DOK5: variants seen among roughly 807,000 people sequenced by gnomAD.
DOK5 encodes the protein downstream of tyrosine kinase 5.
DOK5 carries 27 observed loss-of-function variants against 43.3 expected under a neutral mutation model. That is an observed-to-expected ratio of 0.62 (90% confidence interval 0.46 to 0.86). The LOEUF (loss-of-function observed/expected upper bound fraction) is 0.86, where lower values mean the gene tolerates loss of function less well. DOK5 is among the 40% of genes least tolerant of loss of function. The pLI is 0.00. For synonymous variants in DOK5, 146 were observed against 140.1 expected, an observed-to-expected ratio of 1.04 and a Z score of -0.30; for missense variants, 373 against 392.9, an observed-to-expected ratio of 0.95 and a Z score of 0.43.
chr20:54,556,496 A>G (rs886282225), intron 2 of DOK5, among the ~76,000 whole-genome samples: 17 of 152,178 alleles, frequency 1.1e-4, no homozygotes, highest in African/African-American at 3.9e-4. Context: ...ACTCTAAACT[A>G]TTTGTATCCA....
chr20:54,606,338 G>A (rs1479679392), intron 5 of DOK5, among the ~76,000 whole-genome samples: 1 of 152,058 alleles, frequency 6.6e-6, no homozygotes, highest in African/African-American at 2.4e-5. Flanking sequence ...GAGTGTTTGG[G>A]CCACTTGGGG....
chr20:54,526,542 C>T (rs1983581987), intron 1 of DOK5, among the ~76,000 whole-genome samples: 2 of 152,170 alleles, frequency 1.3e-5, no homozygotes, highest in South Asian at 4.1e-4. Flanking sequence ...TTGCTGCAGA[C>T]TCTTGGTTTG....
At chr20:54,534,814 A>G (rs1983896902) in intron 1 of DOK5, among the ~76,000 whole-genome samples, 1 of 142,926 alleles carries the variant, frequency 7.0e-6, no homozygotes, top group Non-Finnish European at 1.5e-5. Context: ...TGATTTTGAA[A>G]GCATGTTTCT....
rs141218592 is a variant in DOK5, at chr20:54,510,648, C to G, written c.66+34636C>G. Among the ~76,000 whole-genome samples, 10 of 152,270 alleles carry G rather than the reference C, an allele frequency of 6.6e-5. 1 individual carries two copies. The East Asian group carries it at 1.9e-3, about 29-fold the overall frequency. ...AGTTTTGGAAAGAACAACTCTCCTT[C>G]CCGCTCTACTGGAATGCAGTTGGCC... On this transcript the variant is annotated intron_variant, in intron 1 of 7. Transcript: ENST00000262593.
At chr20:54,624,542 C>T (rs966889765) in intron 6 of DOK5, among the ~76,000 whole-genome samples, 1 of 152,112 alleles carries the variant, frequency 6.6e-6, no homozygotes, top group Admixed American at 6.5e-5. Flanking sequence ...AGCCAAAATA[C>T]CAAGTCCAGT....
intron 1 of DOK5, among the ~76,000 whole-genome samples, chr20:54,517,456 T>C (rs1311084365): frequency 6.6e-6 from 1 of 152,214 alleles, no homozygotes; most frequent in African/African-American, 2.4e-5. Context: ...GTTTCATATG[T>C]TTTAGTTTAA....
rs369209022 is a variant in DOK5 at position 54,650,496 on chromosome 20, T to C, written c.*17T>C. The C allele has an allele frequency of 1.5e-5, 24 of 1,612,910 alleles. No individual in the cohort carries two copies. In the African/African-American group the frequency reaches 2.5e-4, roughly 17 times the overall value. On this transcript the variant is annotated 3_prime_UTR_variant, in exon 8 of 8. Transcript: ENST00000262593. ...GAGCACTGACAGTAACTGCCAAGAA[T>C]TGTTAACACACTTGTGATGTGTCAG...
chr20:54,493,379 A>T (rs563164909), intron 1 of DOK5, among the ~76,000 whole-genome samples: 1 of 151,966 alleles, frequency 6.6e-6, no homozygotes, highest in African/African-American at 2.4e-5. Context: ...CACCATCCTT[A>T]TATGTGCTCT....
At chr20:54,575,062 CT>C (rs2146752172) in intron 2 of DOK5, among the ~76,000 whole-genome samples, 1 of 152,290 alleles carries the variant, frequency 6.6e-6, no homozygotes, top group East Asian at 1.9e-4. Context: ...TCTCATCAAA[CT>C]TTTAAATGTA....
chr20:54,643,354 G>A, intron 6 of DOK5, 104 bp from the exon 7 acceptor site: 2 of 1,468,668 alleles, frequency 1.4e-6, no homozygotes, highest in Non-Finnish European at 1.9e-6. Flanking sequence ...TTTGCAGCCT[G>A]GCCAGCTCTG....
At chr20:54,525,492 C>A (rs1298110922) in intron 1 of DOK5, among the ~76,000 whole-genome samples, 1 of 152,176 alleles carries the variant, frequency 6.6e-6, no homozygotes, top group Non-Finnish European at 1.5e-5. Flanking sequence ...CACTTTATTT[C>A]TGAATAGCTG....
At chr20:54,556,780 C>T (rs1324342356) in intron 2 of DOK5, among the ~76,000 whole-genome samples, 2 of 152,190 alleles carry the variant, frequency 1.3e-5, no homozygotes, top group Non-Finnish European at 2.9e-5. Context: ...CCCTGAGGCT[C>T]TGTACTGTCT....
chr20:54,572,232 C>T (rs1886453592), intron 2 of DOK5, among the ~76,000 whole-genome samples: 1 of 151,578 alleles, frequency 6.6e-6, no homozygotes, highest in Non-Finnish European at 1.5e-5. Context: ...GCGATCTTGG[C>T]TCACTGCAAG....
Position 54,588,715 on chromosome 20 carries a change from A to C in DOK5, c.318A>C (p.Val106=). 6.2e-7 allele frequency: 1 copy of C among 1,614,060 alleles called. No individual in the cohort carries two copies. Among genetic ancestry groups the C allele is most frequent in the Non-Finnish European group, 8.5e-7 (1 of 1,179,982 alleles). ...TTGAGGCTGATGAGTGGTGCAAAGTACTCCAGATGGAGTGTGTAGGAACAC... is the reference window on the plus strand; with the variant it reads ...TTGAGGCTGATGAGTGGTGCAAAGTCCTCCAGATGGAGTGTGTAGGAACAC... ...SDLEADEWCK[V]LQMECVGTRI... The change falls in exon 4 of 8, where the codon GTA becomes GTC. Residue 106 remains valine (V), a synonymous_variant. Transcript: ENST00000262593.
chr20:54,631,888 C>A (rs1658335999), intron 6 of DOK5, among the ~76,000 whole-genome samples: 1 of 152,142 alleles, frequency 6.6e-6, no homozygotes, highest in Admixed American at 6.5e-5. Context: ...AGGAGAATCG[C>A]TTGAACCCGG....
chr20:54,506,016 C>T (rs890663258), intron 1 of DOK5, among the ~76,000 whole-genome samples: 1 of 152,152 alleles, frequency 6.6e-6, no homozygotes, highest in African/African-American at 2.4e-5. Context: ...CTTTGGATTG[C>T]ATTTTAAAAA....
intron 1 of DOK5, among the ~76,000 whole-genome samples, chr20:54,502,945 A>G (rs1044929853): frequency 6.6e-6 from 1 of 152,190 alleles, no homozygotes; most frequent in African/African-American, 2.4e-5. Context: ...ATTAAAGTGG[A>G]GCAAGTTTCT....
At chr20:54,515,582 A>G (rs182427951) in intron 1 of DOK5, among the ~76,000 whole-genome samples, 15 of 152,318 alleles carry the variant, frequency 9.8e-5, no homozygotes, top group African/African-American at 3.4e-4. Context: ...GTTGCTATTC[A>G]TTACTAAATC....
At chr20:54,528,202 G>A (rs534360718) in intron 1 of DOK5, among the ~76,000 whole-genome samples, 10 of 152,188 alleles carry the variant, frequency 6.6e-5, no homozygotes, top group Admixed American at 3.3e-4. Context: ...ATGAAACTCC[G>A]TCTCAAAACA....
Sources: allele counts gnomAD v4.1 joint callset (sites outside exome capture counted in the v4.1 genomes callset), GRCh38; gene constraint gnomAD v4.1.1; transcripts MANE v1.5; gene names NCBI Gene and HGNC (gene_info 2026-07-23, HGNC 2026-07-21).